Variants in ZFP57 observed in about 807,000 individuals in gnomAD.
ZFP57 encodes the protein ZFP57 zinc finger protein.
Under a neutral mutation model 15.8 loss-of-function variants are expected in ZFP57, and 12 were observed. The observed-to-expected ratio is 0.76, with a 90% CI of 0.49 to 1.23. The LOEUF is 1.23. Ranked by LOEUF, ZFP57 falls within the 50% of genes most tolerant of loss-of-function variation. The pLI, the probability that ZFP57 is intolerant of heterozygous loss-of-function variation, is 0.00. For synonymous variants in ZFP57, 203 were observed against 242.3 expected, an observed-to-expected ratio of 0.84 and a Z score of 1.51; for missense variants, 536 against 654.9, an observed-to-expected ratio of 0.82 and a Z score of 1.98.
At chr6:29,679,817 G>A (rs986192630) in intron 1 of ZFP57, among the ~76,000 whole-genome samples, 6 of 152,186 alleles carry the variant, frequency 3.9e-5, no homozygotes, top group African/African-American at 1.4e-4. Context: ...CCGGGAGGCA[G>A]AGGTTGCGGT....
intron 1 of ZFP57, among the ~76,000 whole-genome samples, chr6:29,679,254 G>A (rs1202486393): frequency 6.6e-6 from 1 of 152,142 alleles, no homozygotes; most frequent in Non-Finnish European, 1.5e-5. Flanking sequence ...CCTGCTGACA[G>A]CCACTCACCC....
At position 29,673,474 on chromosome 6, in the gene ZFP57, G is replaced by A. The variant is rs755918943; in HGVS notation, c.637C>T (p.Arg213Trp). 6.8e-6 allele frequency: 11 copies of A among 1,612,944 alleles called. No homozygotes were observed. The highest frequency in any genetic ancestry group is 2.7e-5 in the African/African-American group (2 of 74,906). ...NSCSQCGKLF[R>W]SPKSLSYHRR... Reference sequence around the variant, plus strand: ...TGATAGCTGAGGGACTTGGGGCTCCGAAACAACTTCCCACACTGACTGCAG... The same window carrying A: ...TGATAGCTGAGGGACTTGGGGCTCCAAAACAACTTCCCACACTGACTGCAG... Residue 213 changes from arginine (R) to tryptophan (W), a missense_variant, in exon 5 of 5, where the codon CGG becomes TGG. Arg to Trp is a moderately radical substitution (Grantham distance 101). Coordinates refer to ENST00000376883, the MANE Select transcript of ZFP57 (RefSeq NM_001109809.5). This position sits in a 1 kb window ranked among gnomAD's most constrained non-coding sequence, Gnocchi z 4.7.
At chr6:29,675,812 T>C (rs1298736777) in intron 3 of ZFP57, 121 bp downstream of exon 3, 4 of 1,288,150 alleles carry the variant, frequency 3.1e-6, no homozygotes, top group Admixed American at 1.7e-5. Context: ...CTTTCACACC[T>C]GGAAAGCATA....
intron 4 of ZFP57, among the ~76,000 whole-genome samples, chr6:29,674,849 T>C (rs1771987032): frequency 6.6e-6 from 1 of 152,146 alleles, no homozygotes; most frequent in Non-Finnish European, 1.5e-5. Flanking sequence ...CTACTTCTCC[T>C]GAAAGACTTA....
intron 1 of ZFP57, among the ~76,000 whole-genome samples, chr6:29,680,713 T>C (rs114013701): frequency 1.2e-3 from 178 of 152,306 alleles, no homozygotes; most frequent in African/African-American, 4.0e-3. Flanking sequence ...CAGGCGCTTG[T>C]TAGCACCCAC....
chr6:29,673,422 G>A lies in ZFP57; in HGVS notation c.689C>T (p.Pro230Leu). The A allele has an allele frequency of 1.2e-6, 2 of 1,613,058 alleles. No homozygotes were observed. The highest frequency in any genetic ancestry group is 1.7e-6 in the Non-Finnish European group (2 of 1,180,032). ...YHRRMHLGER[P>L]FCCTLCDKTY... is the part of the protein sequence containing the mutation. ...CTTGTCACAGAGCGTGCAACAGAAG[G>A]GCCTCTCCCCAAGATGCATGCGTCT... The change falls in exon 5 of 5, where the codon CCC (proline) becomes CTC (leucine). Residue 230 changes from proline to leucine, a missense_variant. Pro to Leu is a moderately conservative substitution (Grantham distance 98). Coordinates refer to ENST00000376883, the MANE Select transcript of ZFP57 (RefSeq NM_001109809.5). This position sits in a 1 kb window ranked among gnomAD's most constrained non-coding sequence, Gnocchi z 4.7.
intron 1 of ZFP57, among the ~76,000 whole-genome samples, chr6:29,677,865 TCA>T (rs1349701781): frequency 1.3e-5 from 2 of 152,086 alleles, no homozygotes; most frequent in African/African-American, 4.8e-5. Flanking sequence ...TTCCAATGCT[TCA>T]GTTACCCATG....
At position 29,672,598 on chromosome 6, in the gene ZFP57, G is replaced by A; in HGVS notation, c.1513C>T (p.Pro505Ser). 6.2e-7 allele frequency: 1 copy of A among 1,612,262 alleles called. No individual in the cohort carries two copies. The highest frequency in any genetic ancestry group is 1.1e-5 in the South Asian group (1 of 91,064). ...CTCCTGGGGGTATGGATCCTGGGGG[G>A]AGATTGATCACCTCCATGCTTCCAT... ...EEWKHGGDQSPPRIHTPRRRG... is the reference protein window; with the variant it reads ...EEWKHGGDQSSPRIHTPRRRG... The change falls in exon 5 of 5, where the codon CCC becomes TCC. Residue 505 changes from proline (P) to serine (S), a missense_variant. Coordinates refer to ENST00000376883, the MANE Select transcript of ZFP57 (RefSeq NM_001109809.5).
At chr6:29,675,522 C>A in intron 3 of ZFP57, 35 bp from the exon 4 acceptor site, 1 of 1,555,262 alleles carries the variant, frequency 6.4e-7, no homozygotes, top group African/African-American at 1.4e-5. Context: ...TTGAGTTGGT[C>A]CCAGGTATGG....
Position 29,675,946 on chromosome 6 carries a change from A to T in ZFP57, c.237T>A (p.Asn79Lys), listed in dbSNP as rs750025018. The change falls in exon 3 of 5, where the codon AAT becomes AAA. Residue 79 changes from asparagine to lysine, a missense_variant. Transcript: ENST00000376883. ...YQDVMSETFK[N>K]LTSVARIFLH... ...CCAGCCTCTTACCCACAGATGTTAGATTCTTAAAGGTTTCCGACATAACAT... is the reference window on the plus strand; with the variant it reads ...CCAGCCTCTTACCCACAGATGTTAGTTTCTTAAAGGTTTCCGACATAACAT... 1.2e-6 allele frequency: 2 copies of T among 1,613,188 alleles called. No individual in the cohort carries two copies. The highest frequency in any genetic ancestry group is 1.7e-6 in the Non-Finnish European group (2 of 1,180,026).
chr6:29,677,435 G>C (rs1036230207), intron 1 of ZFP57, 69 bp from the exon 2 acceptor site: 4 of 256,958 alleles, frequency 1.6e-5, no homozygotes, highest in African/African-American at 9.0e-5. Flanking sequence ...TATTTGGTCA[G>C]GGAATGCCAG....
At chr6:29,680,422 C>T (rs3129058) in intron 1 of ZFP57, among the ~76,000 whole-genome samples, 25,508 of 152,136 alleles carry the variant, frequency 0.17, 2,578 homozygotes, top group East Asian at 0.32. Flanking sequence ...TCACCCTTGT[C>T]GTCACCAACC....
Position 29,677,353 on chromosome 6 carries a change from C to CCTG in ZFP57, c.-351_-350insCAG. The CCTG allele has an allele frequency of 5.5e-6, 2 of 361,306 alleles. No homozygotes were observed. Among genetic ancestry groups the CCTG allele is most frequent in the Non-Finnish European group, 1.0e-5 (2 of 191,130 alleles). 22.4% of individuals were successfully genotyped at this position (361,306 alleles called of 1,614,324 possible). On this transcript the variant is annotated 5_prime_UTR_variant, in exon 2 of 5. Coordinates refer to ENST00000376883, the MANE Select transcript of ZFP57 (RefSeq NM_001109809.5). ...CTAGGTGTCTGCCGTCTGTTCTACCCTGCTTCTAGAAACCTGAGGTCAGAG... is the reference window on the plus strand; with the variant it reads ...CTAGGTGTCTGCCGTCTGTTCTACCCCTGTGCTTCTAGAAACCTGAGGTCAGAG...
chr6:29,676,888 A>G lies in ZFP57; in HGVS notation c.116T>C (p.Val39Ala). The G allele has an allele frequency of 6.2e-7, 1 of 1,614,030 alleles. No homozygotes were observed. Among genetic ancestry groups the G allele is most frequent in the East Asian group, 2.2e-5 (1 of 44,866 alleles). Residue 39 changes from valine to alanine, a missense_variant, in exon 2 of 5, where the codon GTG becomes GCG. By Grantham distance (64) the Val-to-Ala change is moderately conservative. Coordinates refer to ENST00000376883, the MANE Select transcript of ZFP57 (RefSeq NM_001109809.5). Reference sequence around the variant, plus strand: ...CTAGCTTAGTCTCCTCACCTTCTTCACCCGTGCCTCCCTCCAGCAATCTCT... The same window carrying G: ...CTAGCTTAGTCTCCTCACCTTCTTCGCCCGTGCCTCCCTCCAGCAATCTCT... Reference protein sequence around the residue: ...MKRDCWREARVKKKPVTFEDV... With the variant: ...MKRDCWREARAKKKPVTFEDV...
chr6:29,675,214 A>G (rs997057926), intron 4 of ZFP57, among the ~76,000 whole-genome samples, 172 bp downstream of exon 4: 44 of 138,586 alleles, frequency 3.2e-4, no homozygotes, highest in African/African-American at 1.2e-3. Flanking sequence ...CTTGAAGTCA[A>G]GGGACTTGAG....
intron 4 of ZFP57, among the ~76,000 whole-genome samples, 191 bp downstream of exon 4, chr6:29,675,195 G>A (rs887238402): frequency 1.5e-5 from 2 of 129,486 alleles, no homozygotes; most frequent in African/African-American, 2.8e-5. Flanking sequence ...GAGAGACTTG[G>A]ATCTTCAACT....
chr6:29,678,345 A>C (rs953112122), intron 1 of ZFP57, among the ~76,000 whole-genome samples: 1 of 152,248 alleles, frequency 6.6e-6, no homozygotes, highest in Non-Finnish European at 1.5e-5. Flanking sequence ...CACTGCAGAC[A>C]ATACCTGCCC....
intron 2 of ZFP57, 64 bp downstream of exon 2, chr6:29,676,817 T>G: frequency 6.3e-7 from 1 of 1,593,624 alleles, no homozygotes; most frequent in Non-Finnish European, 8.6e-7. Flanking sequence ...GGCAGGAGTA[T>G]GTATGAAAGA....
In ZFP57 at chr6:29,676,902, C is replaced by G; in HGVS notation, c.102G>C (p.Trp34Cys). The G allele has an allele frequency of 5.0e-6, 8 of 1,614,222 alleles. No homozygotes were observed. The highest frequency in any genetic ancestry group is 6.8e-6 in the Non-Finnish European group (8 of 1,180,042). ...TCACCTTCTTCACCCGTGCCTCCCTCCAGCAATCTCTCTTCATGGCTTCCT... is the reference window on the plus strand; with the variant it reads ...TCACCTTCTTCACCCGTGCCTCCCTGCAGCAATCTCTCTTCATGGCTTCCT... Reference protein sequence around the residue: ...TLQEAMKRDCWREARVKKKPV... With the variant: ...TLQEAMKRDCCREARVKKKPV... Residue 34 changes from tryptophan (W) to cysteine (C), a missense_variant, in exon 2 of 5, where the codon TGG (tryptophan) becomes TGC (cysteine). Physicochemically the swap from Trp to Cys is radical, Grantham distance 215. Transcript: ENST00000376883.
Sources: allele counts gnomAD v4.1 joint callset (sites outside exome capture counted in the v4.1 genomes callset), GRCh38; gene constraint gnomAD v4.1.1; non-coding constraint Gnocchi (gnomAD v3.1); transcripts MANE v1.5; gene names NCBI Gene and HGNC (gene_info 2026-07-23, HGNC 2026-07-21).